EXTL2: variants seen among roughly 807,000 people sequenced by gnomAD.
The protein encoded by EXTL2 is exostosin-like 2.
EXTL2 carries 23 observed loss-of-function variants against 30.7 expected under a neutral mutation model. The observed-to-expected ratio is 0.75, with a 90% CI of 0.54 to 1.06. EXTL2 has a LOEUF of 1.06. Among genes scored for constraint, EXTL2 ranks in the 50% least tolerant of loss-of-function variants. The pLI, the probability that EXTL2 is intolerant of heterozygous loss-of-function variation, is 0.00. For missense variants in EXTL2, 352 were observed against 396.3 expected (o/e 0.89, Z 0.95); for synonymous variants, 123 against 133.8 (o/e 0.92, Z 0.56).
At position 100,876,847 on chromosome 1, in the gene EXTL2, C is replaced by G; in HGVS notation, c.451G>C (p.Asp151His). The G allele has an allele frequency of 6.2e-7, 1 of 1,611,562 alleles. No homozygotes were observed. The highest frequency in any genetic ancestry group is 8.5e-7 in the Non-Finnish European group (1 of 1,178,200). ...TCTGGGGTGCTGATGAGTGTGTCAT[C>G]ATCTACCATCAACACTGCTAAAATG... is the stretch of plus-strand genomic sequence containing the variant. ...LETNAVLMVD[D>H]DTLISTPDLV... The change falls in exon 4 of 5, where the codon GAT becomes CAT. Residue 151 changes from aspartate to histidine, a missense_variant. Coordinates refer to ENST00000370114, the MANE Select transcript of EXTL2 (RefSeq NM_001033025.3).
chr1:100,873,236 G>A lies in EXTL2; in HGVS notation c.*706C>T, dbSNP rs756810480. 8 of 152,008 alleles carry A rather than the reference G, an allele frequency of 5.3e-5. No individual in the cohort carries two copies. The highest frequency in any genetic ancestry group is 7.4e-5 in the Non-Finnish European group (5 of 67,982). 9.4% of individuals were successfully genotyped at this position (152,008 alleles called of 1,614,324 possible). A position where few individuals can be genotyped will look rare whatever the true frequency, so the allele number is the denominator to read the frequency against. ...TTACTCCTTGCTGCATATAAGTGGC[G>A]TGTAAGAAATACAGGGTATATTGTT... On this transcript the variant is annotated 3_prime_UTR_variant, in exon 5 of 5. Transcript: ENST00000370114.
intron 2 of EXTL2, among the ~76,000 whole-genome samples, chr1:100,882,738 C>G (rs1038299698): frequency 6.6e-6 from 1 of 152,212 alleles, no homozygotes; most frequent in Non-Finnish European, 1.5e-5. Flanking sequence ...AGGAGGATAG[C>G]TGGAGCCAAG....
intron 1 of EXTL2, among the ~76,000 whole-genome samples, chr1:100,892,340 T>C (rs114056946): frequency 0.023 from 3,527 of 152,288 alleles, 141 homozygotes; most frequent in African/African-American, 0.079. Context: ...TCTCCTGTAC[T>C]GGATGCTTCT....
chr1:100,875,568 T>C (rs765821710), intron 4 of EXTL2, among the ~76,000 whole-genome samples: 4 of 151,924 alleles, frequency 2.6e-5, no homozygotes, highest in Non-Finnish European at 5.9e-5. Flanking sequence ...AAAGTGGAGG[T>C]AATGGGCAAA....
At chr1:100,889,844 TC>T (rs761110854) in intron 1 of EXTL2, among the ~76,000 whole-genome samples, 2 of 152,168 alleles carry the variant, frequency 1.3e-5, no homozygotes, top group Non-Finnish European at 2.9e-5. Flanking sequence ...CAGGGTACAG[TC>T]CCCCTCCTGG....
chr1:100,893,310 G>A (rs769355438), intron 1 of EXTL2, among the ~76,000 whole-genome samples: 16 of 152,224 alleles, frequency 1.1e-4, no homozygotes, highest in Admixed American at 2.6e-4. Flanking sequence ...TTTCCAATAC[G>A]ACATATTGAA....
intron 1 of EXTL2, among the ~76,000 whole-genome samples, chr1:100,889,485 CCCAAAGT>C (rs1459032926): frequency 6.6e-6 from 1 of 152,186 alleles, no homozygotes; most frequent in Non-Finnish European, 1.5e-5. Context: ...CCAACAGTCC[CCCAAAGT>C]CTTAACTCAT....
intron 1 of EXTL2, among the ~76,000 whole-genome samples, chr1:100,894,032 A>G (rs930190943): frequency 6.6e-6 from 1 of 152,232 alleles, no homozygotes; most frequent in Non-Finnish European, 1.5e-5. Flanking sequence ...GTAGCAATAC[A>G]GTATAAAATA....
At chr1:100,879,495 G>C (rs938839445) in intron 2 of EXTL2, among the ~76,000 whole-genome samples, 1 of 151,946 alleles carries the variant, frequency 6.6e-6, no homozygotes, top group African/African-American at 2.4e-5. Context: ...ACACCTTTAG[G>C]AAAAAAATAG....
intron 4 of EXTL2, 127 bp from the exon 5 acceptor site, chr1:100,874,557 C>T: frequency 1.2e-6 from 1 of 818,618 alleles, no homozygotes; most frequent in Non-Finnish European, 1.9e-6. Flanking sequence ...CTGGTTTCTA[C>T]ATTTCAGTTT....
intron 4 of EXTL2, among the ~76,000 whole-genome samples, chr1:100,875,643 T>C (rs1649055536): frequency 6.6e-6 from 1 of 152,110 alleles, no homozygotes; most frequent in Non-Finnish European, 1.5e-5. Context: ...CAGATCATTA[T>C]GCTATGCAGG....
intron 1 of EXTL2, among the ~76,000 whole-genome samples, chr1:100,891,206 T>C (rs1462858251): frequency 1.3e-5 from 2 of 152,262 alleles, no homozygotes; most frequent in Non-Finnish European, 1.5e-5. Flanking sequence ...CATTTAAGTG[T>C]TGTTAACTTT....
intron 1 of EXTL2, among the ~76,000 whole-genome samples, chr1:100,890,535 C>G (rs1650343122): frequency 6.6e-6 from 1 of 152,178 alleles, no homozygotes; most frequent in Non-Finnish European, 1.5e-5. Context: ...TGCAAATTTT[C>G]CTGACTTTTA....
At position 100,873,227 on chromosome 1, in the gene EXTL2, A is replaced by G. The variant is rs1340293989; in HGVS notation, c.*715T>C. ...GTAACACATTTACTCCTTGCTGCATATAAGTGGCGTGTAAGAAATACAGGG... is the reference window on the plus strand; with the variant it reads ...GTAACACATTTACTCCTTGCTGCATGTAAGTGGCGTGTAAGAAATACAGGG... On this transcript the variant is annotated 3_prime_UTR_variant, in exon 5 of 5. Coordinates refer to ENST00000370114, the MANE Select transcript of EXTL2 (RefSeq NM_001033025.3). The G allele has an allele frequency of 6.6e-6, 1 of 152,102 alleles. No individual in the cohort carries two copies. The highest frequency in any genetic ancestry group is 1.5e-5 in the Non-Finnish European group (1 of 67,984). 9.4% of individuals were successfully genotyped at this position (152,102 alleles called of 1,614,324 possible). A position where few individuals can be genotyped will look rare whatever the true frequency, so the allele number is the denominator to read the frequency against.
chr1:100,882,370 G>A (rs938953813), intron 2 of EXTL2, among the ~76,000 whole-genome samples: 6 of 152,186 alleles, frequency 3.9e-5, no homozygotes, highest in Non-Finnish European at 8.8e-5. Flanking sequence ...GACCTAACAC[G>A]GCAATAATGC....
At chr1:100,892,084 A>G (rs1383922113) in intron 1 of EXTL2, among the ~76,000 whole-genome samples, 1 of 152,202 alleles carries the variant, frequency 6.6e-6, no homozygotes, top group Non-Finnish European at 1.5e-5. Context: ...GGACTTGTGA[A>G]GGTTAATATT....
At position 100,888,817 on chromosome 1, in the gene EXTL2, G is replaced by T; in HGVS notation, c.-60C>A. On this transcript the variant is annotated 5_prime_UTR_variant, in exon 2 of 5. Coordinates refer to ENST00000370114, the MANE Select transcript of EXTL2 (RefSeq NM_001033025.3). ...TAGCTTCAGTAATTGACAGAAGCAGGCTCACTTGTCACTATTAAGATAAAT... is the reference window on the plus strand; with the variant it reads ...TAGCTTCAGTAATTGACAGAAGCAGTCTCACTTGTCACTATTAAGATAAAT... 1.5e-6 allele frequency: 2 copies of T among 1,374,426 alleles called. No homozygotes were observed. The highest frequency in any genetic ancestry group is 1.4e-5 in the South Asian group (1 of 71,440). The allele number at this position is 1,374,426 out of a possible 1,614,324, so 85.1% of individuals were successfully genotyped here.
chr1:100,881,742 A>G (rs77543068), intron 2 of EXTL2, among the ~76,000 whole-genome samples: 1,580 of 152,312 alleles, frequency 0.01, 11 homozygotes, highest in Non-Finnish European at 0.015. Flanking sequence ...TCCCCCAATG[A>G]TATTTTCTGC....
At chr1:100,879,814 A>G (rs1234122151) in intron 2 of EXTL2, among the ~76,000 whole-genome samples, 1 of 152,164 alleles carries the variant, frequency 6.6e-6, no homozygotes, top group Non-Finnish European at 1.5e-5. Context: ...ATACTTACAT[A>G]GTAATATTTA....
Sources: gnomAD v4.1 joint callset for allele counts (sites outside exome capture counted in the v4.1 genomes callset) on GRCh38, gnomAD v4.1.1 for gene constraint, MANE v1.5 for transcripts, NCBI Gene and HGNC (gene_info 2026-07-23, HGNC 2026-07-21) for gene names.